The following TSHR variants were observed in gnomAD, a reference collection of about 807,000 sequenced individuals.
TSHR encodes thyrotropin receptor.
Under a neutral mutation model 64.1 loss-of-function variants are expected in TSHR, and 51 were observed. The observed-to-expected ratio is 0.80, with a 90% CI of 0.64 to 1.01. TSHR has a LOEUF of 1.01. Ranked by LOEUF, TSHR falls within the 50% of genes least tolerant of loss-of-function variation. TSHR has a pLI of 0.00. For missense variants in TSHR, 877 were observed against 942.8 expected (o/e 0.93, Z 0.91); for synonymous variants, 361 against 361.9 (o/e 1.00, Z 0.03).
At chr14:80,965,512 A>AT (rs1050059015) in intron 1 of TSHR, among the ~76,000 whole-genome samples, 4 of 152,142 alleles carry the variant, frequency 2.6e-5, no homozygotes, top group African/African-American at 9.7e-5. Flanking sequence ...TAGTTGACAG[A>AT]TTTTTTCAAG....
At chr14:81,049,982 A>G (rs1403400156) in intron 1 of TSHR, 1 of 152,208 alleles carries the variant, frequency 6.6e-6, no homozygotes, top group African/African-American at 2.4e-5. Context: ...CAGTACAAAA[A>G]CAGACTAACA....
intron 3 of TSHR, among the ~76,000 whole-genome samples, chr14:81,072,641 CTAAA>C (rs1887160894): frequency 6.6e-6 from 1 of 151,976 alleles, no homozygotes; most frequent in Admixed American, 6.6e-5. Context: ...TGTAAAAGGA[CTAAA>C]TACTCTAAGT....
At chr14:81,085,714 T>C (rs886281296) in intron 3 of TSHR, among the ~76,000 whole-genome samples, 6 of 152,216 alleles carry the variant, frequency 3.9e-5, no homozygotes, top group African/African-American at 1.2e-4. Context: ...CAGTCTCTTG[T>C]GGAGCAATTT....
intron 1 of TSHR, among the ~76,000 whole-genome samples, chr14:80,965,342 C>T (rs530890567): frequency 2.2e-4 from 34 of 152,274 alleles, no homozygotes; most frequent in East Asian, 3.9e-4. Context: ...GAGTTGATCA[C>T]GACCCTCACT....
chr14:81,124,592 G>T (rs78426679), intron 8 of TSHR, among the ~76,000 whole-genome samples: 4,086 of 152,104 alleles, frequency 0.027, 199 homozygotes, highest in African/African-American at 0.093. Context: ...CTATATATAT[G>T]TCTTTATGTA....
chr14:80,975,596 C>A (rs2139710033), intron 1 of TSHR, among the ~76,000 whole-genome samples: 1 of 152,324 alleles, frequency 6.6e-6, no homozygotes, highest in East Asian at 1.9e-4. Flanking sequence ...TTTTACTCCC[C>A]ATTCACCATT....
At chr14:80,968,382 T>TA (rs1326508717) in intron 1 of TSHR, among the ~76,000 whole-genome samples, 2 of 152,166 alleles carry the variant, frequency 1.3e-5, no homozygotes, top group African/African-American at 2.4e-5. Flanking sequence ...TCCTTACTTT[T>TA]TTTTTTTTTA....
intron 1 of TSHR, among the ~76,000 whole-genome samples, chr14:81,055,074 C>T (rs1018201443): frequency 3.3e-5 from 5 of 152,062 alleles, no homozygotes; most frequent in Non-Finnish European, 5.9e-5. Context: ...GGCCTAGGTT[C>T]CCTCTGCTGT....
chr14:81,030,897 A>T (rs541574605), intron 1 of TSHR, among the ~76,000 whole-genome samples: 1 of 152,306 alleles, frequency 6.6e-6, no homozygotes, highest in African/African-American at 2.4e-5. Flanking sequence ...CTTTTTGGTC[A>T]TGACATTTTT....
chr14:81,067,645 T>A (rs1029438847), intron 2 of TSHR, among the ~76,000 whole-genome samples: 3 of 149,628 alleles, frequency 2.0e-5, no homozygotes, highest in African/African-American at 7.3e-5. Context: ...AAAATAAAAG[T>A]ATTTGACTCA....
intron 8 of TSHR, among the ~76,000 whole-genome samples, chr14:81,131,790 G>A (rs1891260561): frequency 1.3e-5 from 2 of 152,044 alleles, no homozygotes; most frequent in Admixed American, 1.3e-4. Flanking sequence ...TCTCTTCCCT[G>A]TTCCCCTTTT....
chr14:81,102,788 C>A (rs951250930), intron 7 of TSHR: 2 of 985,124 alleles, frequency 2.0e-6, no homozygotes, highest in African/African-American at 3.5e-5. Context: ...TGAGGATGAC[C>A]ATTGTGTGGC....
At chr14:81,124,302 C>T (rs1366561726) in intron 8 of TSHR, among the ~76,000 whole-genome samples, 2 of 151,922 alleles carry the variant, frequency 1.3e-5, no homozygotes, top group African/African-American at 4.8e-5. Flanking sequence ...TCCTTACCGG[C>T]ATGCCTGAAA....
chr14:81,132,229 G>A (rs1327575862), intron 8 of TSHR, among the ~76,000 whole-genome samples: 1 of 152,072 alleles, frequency 6.6e-6, no homozygotes, highest in African/African-American at 2.4e-5. Flanking sequence ...TGACCTTTGG[G>A]AAAACCTACT....
intron 8 of TSHR, among the ~76,000 whole-genome samples, chr14:81,123,827 G>A (rs529296966): frequency 1.3e-5 from 2 of 151,970 alleles, no homozygotes; most frequent in Non-Finnish European, 2.9e-5. Context: ...GTATAATAAG[G>A]TTTTTTATTG....
chr14:81,022,598 G>A (rs538766994), intron 1 of TSHR, among the ~76,000 whole-genome samples: 5 of 151,794 alleles, frequency 3.3e-5, no homozygotes, highest in Non-Finnish European at 5.9e-5. Flanking sequence ...TGAGGCAGGT[G>A]GATTACAAGG....
chr14:81,074,271 A>C (rs1887329175), intron 3 of TSHR, among the ~76,000 whole-genome samples: 1 of 152,206 alleles, frequency 6.6e-6, no homozygotes, highest in African/African-American at 2.4e-5. Context: ...AAATGTTTCT[A>C]ATATGTATCT....
chr14:80,979,629 A>T (rs1286061974), intron 1 of TSHR, among the ~76,000 whole-genome samples: 2 of 152,208 alleles, frequency 1.3e-5, no homozygotes, highest in African/African-American at 2.4e-5. Context: ...AGCATACCGT[A>T]TTCCAAAAAT....
intron 1 of TSHR, among the ~76,000 whole-genome samples, chr14:80,957,590 G>A (rs1229302315): frequency 1.3e-5 from 2 of 152,214 alleles, no homozygotes; most frequent in Non-Finnish European, 2.9e-5. Flanking sequence ...TTTAACAGTG[G>A]CAGAAATTCA....
Sources: gnomAD v4.1 joint callset for allele counts (sites outside exome capture counted in the v4.1 genomes callset) on GRCh38, gnomAD v4.1.1 for gene constraint, MANE v1.5 for transcripts, NCBI Gene and HGNC (gene_info 2026-07-23, HGNC 2026-07-21) for gene names.